TYW1B: variants seen among roughly 807,000 people sequenced by gnomAD.
The protein encoded by TYW1B is tRNA-yW synthesizing protein 1 homolog B.
TYW1B carries 73 observed loss-of-function variants against 86.9 expected under a neutral mutation model. The ratio of observed to expected loss-of-function variants is 0.84; its 90% CI spans 0.70 to 1.02. The LOEUF is 1.02. Ranked by LOEUF, TYW1B falls within the 50% of genes least tolerant of loss-of-function variation. The pLI is 0.00. For synonymous variants in TYW1B, 248 were observed against 292.8 expected (o/e 0.85, Z 1.56); for missense variants, 637 against 827.4 (o/e 0.77, Z 2.82).
At chr7:72,775,232 G>A (rs1787934526) in intron 7 of TYW1B, among the ~76,000 whole-genome samples, 1 of 152,036 alleles carries the variant, frequency 6.6e-6, no homozygotes. Context: ...CAAGTGGGTG[G>A]GTGGGGAGGA....
intron 13 of TYW1B, among the ~76,000 whole-genome samples, chr7:72,610,780 G>A (rs1311099420): frequency 1.2e-4 from 18 of 152,216 alleles, no homozygotes; most frequent in Admixed American, 9.2e-4. Flanking sequence ...GCTGGCTATC[G>A]CAACAGTGTT....
intron 13 of TYW1B, among the ~76,000 whole-genome samples, chr7:72,593,683 A>C (rs1396388488): frequency 6.6e-6 from 1 of 151,770 alleles, no homozygotes; most frequent in Non-Finnish European, 1.5e-5. Context: ...TTAGCAGGGC[A>C]TGGTGGCGGG....
At chr7:72,781,028 CCT>C (rs1299876629) in intron 6 of TYW1B, among the ~76,000 whole-genome samples, 1 of 151,902 alleles carries the variant, frequency 6.6e-6, no homozygotes, top group African/African-American at 2.4e-5. Context: ...TTGATTTCTT[CCT>C]CTCCTGTACC....
chr7:72,615,199 T>C (rs2844054), intron 13 of TYW1B, among the ~76,000 whole-genome samples: 1 of 152,256 alleles, frequency 6.6e-6, no homozygotes, highest in African/African-American at 2.4e-5. Context: ...ATCTATTTCC[T>C]CTATCCTCAT....
chr7:72,620,796 A>G (rs1812196054), intron 12 of TYW1B, among the ~76,000 whole-genome samples: 1 of 141,580 alleles, frequency 7.1e-6, no homozygotes, highest in Non-Finnish European at 1.6e-5. Context: ...CAAGTTCTTC[A>G]CCCAAAACTC....
intron 2 of TYW1B, among the ~76,000 whole-genome samples, chr7:72,823,576 C>T (rs1191464275): frequency 6.6e-6 from 1 of 151,526 alleles, no homozygotes; most frequent in Non-Finnish European, 1.5e-5. Context: ...GCCGAGATCG[C>T]GCCACTGCAC....
intron 11 of TYW1B, among the ~76,000 whole-genome samples, chr7:72,687,942 C>G (rs1426109807): frequency 3.9e-5 from 6 of 152,042 alleles, no homozygotes; most frequent in Non-Finnish European, 7.4e-5. Flanking sequence ...ATCCCAATTA[C>G]TAGGGAGGCT....
intron 12 of TYW1B, among the ~76,000 whole-genome samples, chr7:72,622,654 CCA>C (rs782138563): frequency 1.3e-4 from 20 of 151,904 alleles, no homozygotes; most frequent in East Asian, 5.8e-4. Context: ...CAGACACATA[CCA>C]CACACACATG....
chr7:72,670,681 T>G (rs1813579611), intron 11 of TYW1B, among the ~76,000 whole-genome samples: 1 of 152,204 alleles, frequency 6.6e-6, no homozygotes, highest in South Asian at 2.1e-4. Flanking sequence ...GGGCTTCCAG[T>G]GAAATATTTT....
At chr7:72,619,432 G>A (rs113072622) in intron 12 of TYW1B, among the ~76,000 whole-genome samples, 8 of 151,986 alleles carry the variant, frequency 5.3e-5, no homozygotes, top group Admixed American at 4.6e-4. Context: ...ATGAGGTCAG[G>A]AGATCGAGAC....
intron 7 of TYW1B, among the ~76,000 whole-genome samples, chr7:72,760,756 C>T (rs1026430604): frequency 6.6e-6 from 1 of 152,028 alleles, no homozygotes; most frequent in Non-Finnish European, 1.5e-5. Context: ...GCATCTTTGC[C>T]TAGGTTTACT....
chr7:72,716,295 A>C (rs1391080208), intron 9 of TYW1B, among the ~76,000 whole-genome samples: 2 of 152,200 alleles, frequency 1.3e-5, no homozygotes, highest in East Asian at 1.9e-4. Context: ...TACCTTGAAG[A>C]ATTTTTGTTG....
chr7:72,631,279 G>A (rs376636882), intron 11 of TYW1B, among the ~76,000 whole-genome samples: 101 of 152,192 alleles, frequency 6.6e-4, no homozygotes, highest in Non-Finnish European at 1.2e-3. Context: ...TTGGGAGGCC[G>A]AAGTGGGTCG....
At chr7:72,705,788 G>A (rs1814595154) in intron 10 of TYW1B, among the ~76,000 whole-genome samples, 3 of 152,120 alleles carry the variant, frequency 2.0e-5, no homozygotes, top group African/African-American at 7.2e-5. Flanking sequence ...TTCCTCAGAG[G>A]GAAGAAGCTA....
chr7:72,752,317 GA>G (rs1464493174), intron 7 of TYW1B, among the ~76,000 whole-genome samples: 152,262 of 152,262 alleles, frequency 1, 76,131 homozygotes, highest in Non-Finnish European at 1. Flanking sequence ...GAAGGAAAGA[GA>G]AAATTTGGAT....
At chr7:72,624,514 T>C (rs559117679) in intron 12 of TYW1B, among the ~76,000 whole-genome samples, 1 of 152,226 alleles carries the variant, frequency 6.6e-6, no homozygotes, top group African/African-American at 2.4e-5. Context: ...TGCTTCTTAG[T>C]AGCAGTATGC....
intron 11 of TYW1B, among the ~76,000 whole-genome samples, chr7:72,692,358 T>A (rs1344850398): frequency 6.7e-6 from 1 of 149,912 alleles, no homozygotes; most frequent in Non-Finnish European, 1.5e-5. Flanking sequence ...AAAAAAAAAA[T>A]CAAAAAATTA....
At chr7:72,633,311 A>C (rs1238866771) in intron 11 of TYW1B, among the ~76,000 whole-genome samples, 21 of 152,200 alleles carry the variant, frequency 1.4e-4, no homozygotes, top group African/African-American at 4.3e-4. Context: ...ACCCTTCAAT[A>C]AAAGATTCCC....
intron 13 of TYW1B, among the ~76,000 whole-genome samples, chr7:72,602,048 T>A (rs140925741): frequency 0.026 from 3,883 of 152,270 alleles, 159 homozygotes; most frequent in African/African-American, 0.088. Context: ...GTATGCAAAT[T>A]TTTTTAAATG....
Sources: gnomAD v4.1 joint callset for allele counts (sites outside exome capture counted in the v4.1 genomes callset) on GRCh38, gnomAD v4.1.1 for gene constraint, MANE v1.5 for transcripts, NCBI Gene and HGNC (gene_info 2026-07-23, HGNC 2026-07-21) for gene names.